Variants in SLC37A3 observed in about 807,000 individuals in gnomAD.
SLC37A3 encodes sugar phosphate exchanger 3.
Under a neutral mutation model 67.1 loss-of-function variants are expected in SLC37A3, and 51 were observed. That is an observed-to-expected ratio of 0.76 (90% CI 0.61 to 0.96). SLC37A3 has a LOEUF of 0.96. Ranked by LOEUF, SLC37A3 falls within the 40% of genes least tolerant of loss-of-function variation. The pLI, the probability that SLC37A3 is intolerant of heterozygous loss-of-function variation, is 0.00. For synonymous variants in SLC37A3, 214 were observed against 231.4 expected (o/e 0.92, Z 0.68); for missense variants, 508 against 603.0 (o/e 0.84, Z 1.65).
Position 140,398,454 on chromosome 7 carries a change from C to T in SLC37A3, c.-109G>A, listed in dbSNP as rs1404964714. 1 of 152,426 alleles carries T rather than the reference C, an allele frequency of 6.6e-6. No individual in the cohort carries two copies. The highest frequency in any genetic ancestry group is 1.5e-5 in the Non-Finnish European group (1 of 68,228). 9.4% of individuals were successfully genotyped at this position (152,426 alleles called of 1,614,324 possible). ...TGGTCGCCGCTCTCCAGCCCCGGCT[C>T]CGCTCGCCGGGTCAGCTTGGCTCCG... On this transcript the variant is annotated 5_prime_UTR_variant, in exon 1 of 15. Transcript: ENST00000326232.
At chr7:140,398,308 G>C (rs1408794632) in intron 1 of SLC37A3, 108 bp downstream of exon 1, 1 of 152,218 alleles carries the variant, frequency 6.6e-6, no homozygotes, top group African/African-American at 2.4e-5. Flanking sequence ...ACCCAAGGGG[G>C]GCCGCCACCT....
At chr7:140,381,810 C>T (rs1013159016) in intron 2 of SLC37A3, among the ~76,000 whole-genome samples, 5 of 152,010 alleles carry the variant, frequency 3.3e-5, no homozygotes, top group Admixed American at 1.3e-4. Flanking sequence ...GGGCAGATTA[C>T]GAAGTCAGGA....
chr7:140,365,718 C>T (rs1197884072), intron 4 of SLC37A3, among the ~76,000 whole-genome samples: 1 of 151,198 alleles, frequency 6.6e-6, no homozygotes, highest in Non-Finnish European at 1.5e-5. Context: ...GGGACTCCAT[C>T]TCAAAAAAAA....
rs529748572 is a variant in SLC37A3 at position 140,334,558 on chromosome 7, T to A, written c.*854A>T. 1 of 150,852 alleles carries A rather than the reference T, an allele frequency of 6.6e-6. No homozygotes were observed. Among genetic ancestry groups the A allele is most frequent in the South Asian group, 2.1e-4 (1 of 4,770 alleles). 9.3% of individuals were successfully genotyped at this position (150,852 alleles called of 1,614,324 possible). On this transcript the variant is annotated 3_prime_UTR_variant, in exon 15 of 15. Coordinates refer to ENST00000326232, the MANE Select transcript of SLC37A3 (RefSeq NM_207113.3). ...GATTAGCTTCCTAGAGGATCCTAAG[T>A]TCCCAGACAACAAATCTGGGATGGA...
chr7:140,395,220 A>T (rs1170281547), intron 1 of SLC37A3, among the ~76,000 whole-genome samples: 1 of 151,014 alleles, frequency 6.6e-6, no homozygotes, highest in Non-Finnish European at 1.5e-5. Context: ...TACTAAAAAT[A>T]TAAAAATTAG....
chr7:140,362,654 G>A lies in SLC37A3; in HGVS notation c.375+1754C>T, dbSNP rs1430113831. Among the ~76,000 whole-genome samples, 19 of 50,822 alleles carry A rather than the reference G, an allele frequency of 3.7e-4. 1 individual carries two copies. Among genetic ancestry groups the A allele is most frequent in the Admixed American group, 2.8e-3 (16 of 5,698 alleles). 33.3% of individuals were successfully genotyped at this position (50,822 alleles called of 152,430 possible). A position where few individuals can be genotyped will look rare whatever the true frequency, so the allele number is the denominator to read the frequency against. ...TGAGGACCCCTCTGCCCGGCCAGCCGCCCCGTCCGGGAGGGAGGTGGGGGG... is the reference window on the plus strand; with the variant it reads ...TGAGGACCCCTCTGCCCGGCCAGCCACCCCGTCCGGGAGGGAGGTGGGGGG... On this transcript the variant is annotated intron_variant, in intron 5 of 14. Transcript: ENST00000326232.
At chr7:140,336,180 T>C (rs1430228263) in intron 14 of SLC37A3, among the ~76,000 whole-genome samples, 4 of 152,140 alleles carry the variant, frequency 2.6e-5, no homozygotes, top group African/African-American at 9.7e-5. Flanking sequence ...CAGAGAGCAA[T>C]ATTTTAAAAG....
chr7:140,384,869 G>A (rs926987646), intron 1 of SLC37A3, among the ~76,000 whole-genome samples: 1 of 152,194 alleles, frequency 6.6e-6, no homozygotes, highest in African/African-American at 2.4e-5. Context: ...CACAGGGCTT[G>A]GCTCTCAGAT....
At chr7:140,392,964 C>T (rs1166114222) in intron 1 of SLC37A3, among the ~76,000 whole-genome samples, 1 of 152,036 alleles carries the variant, frequency 6.6e-6, no homozygotes, top group African/African-American at 2.4e-5. Flanking sequence ...CAGTGGCATG[C>T]GCCTGTAATC....
intron 1 of SLC37A3, among the ~76,000 whole-genome samples, chr7:140,389,608 CCT>C (rs112445811): frequency 3.3e-5 from 5 of 152,286 alleles, no homozygotes; most frequent in African/African-American, 7.2e-5. Flanking sequence ...TTGCAGTTCC[CCT>C]GTCTTGATAA....
intron 3 of SLC37A3, 123 bp downstream of exon 3, chr7:140,380,159 A>G: frequency 1.9e-6 from 1 of 532,582 alleles, no homozygotes; most frequent in Non-Finnish European, 3.4e-6. Flanking sequence ...CTCTTATGTG[A>G]TAGGAAACAG....
chr7:140,372,696 C>G (rs927739443), intron 3 of SLC37A3, among the ~76,000 whole-genome samples: 1 of 152,076 alleles, frequency 6.6e-6, no homozygotes, highest in Admixed American at 6.6e-5. Flanking sequence ...AATCCCATCT[C>G]TGCTAAAATT....
At chr7:140,341,668 C>T (rs185821604) in intron 13 of SLC37A3, among the ~76,000 whole-genome samples, 61 of 152,264 alleles carry the variant, frequency 4.0e-4, no homozygotes, top group Middle Eastern at 3.4e-3. Flanking sequence ...GCTTCCCCAA[C>T]CATGAAGGTC....
intron 12 of SLC37A3, among the ~76,000 whole-genome samples, chr7:140,344,628 C>T (rs1031569665): frequency 7.2e-5 from 11 of 151,866 alleles, no homozygotes; most frequent in East Asian, 1.9e-4. Context: ...TGGTGGTGCA[C>T]GCCTATATTA....
Position 140,335,500 on chromosome 7 carries a change from C to A in SLC37A3, c.1397G>T (p.Ser466Ile). ...TGGCGAGATAAACACAATTGTACAA[C>A]TTGTCTGTAAAGAGAAAATAGTATT... ...WVFYFFILMT[S>I]CTIVFISPLI... is the part of the protein sequence containing the mutation. The change falls in exon 15 of 15, where the codon AGT becomes ATT. Residue 466 changes from serine (S) to isoleucine (I), a missense_variant. Physicochemically the swap from Ser to Ile is moderately radical, Grantham distance 142. Coordinates refer to ENST00000326232, the MANE Select transcript of SLC37A3 (RefSeq NM_207113.3). The A allele has an allele frequency of 6.2e-7, 1 of 1,613,456 alleles. No homozygotes were observed.
chr7:140,378,551 C>A (rs1798119428), intron 3 of SLC37A3, among the ~76,000 whole-genome samples: 1 of 152,108 alleles, frequency 6.6e-6, no homozygotes, highest in African/African-American at 2.4e-5. Flanking sequence ...TCCTGGCCAA[C>A]ATGGTGAAAC....
intron 3 of SLC37A3, 35 bp from the exon 4 acceptor site, chr7:140,369,717 T>C (rs1563037301): frequency 2.6e-6 from 4 of 1,567,248 alleles, no homozygotes; most frequent in Non-Finnish European, 3.5e-6. Flanking sequence ...TCAGTCCCTG[T>C]AGAATCTGCC....
intron 3 of SLC37A3, among the ~76,000 whole-genome samples, chr7:140,371,408 G>A (rs922879057): frequency 2.6e-5 from 4 of 152,098 alleles, no homozygotes; most frequent in Admixed American, 6.6e-5. Context: ...TCCTGACCTC[G>A]TGATCCACCT....
chr7:140,342,083 G>A (rs914958551), intron 13 of SLC37A3, among the ~76,000 whole-genome samples: 12 of 152,144 alleles, frequency 7.9e-5, no homozygotes, highest in African/African-American at 2.2e-4. Flanking sequence ...AGGTACTAAG[G>A]TGACAGAAGA....
Sources: gnomAD v4.1 joint callset for allele counts (sites outside exome capture counted in the v4.1 genomes callset) on GRCh38, gnomAD v4.1.1 for gene constraint, MANE v1.5 for transcripts, NCBI Gene and HGNC (gene_info 2026-07-23, HGNC 2026-07-21) for gene names.